NEDD4L: variants seen among roughly 807,000 people sequenced by gnomAD.
NEDD4L encodes E3 ubiquitin-protein ligase NEDD4-like.
Under a neutral mutation model 148.9 loss-of-function variants are expected in NEDD4L, and 54 were observed. The ratio of observed to expected loss-of-function variants is 0.36; its 90% CI spans 0.29 to 0.45. NEDD4L has a LOEUF of 0.45. Among genes scored for constraint, NEDD4L ranks in the 20% least tolerant of loss-of-function variants. The pLI is 1.00. For missense variants in NEDD4L, 856 were observed against 1,233.8 expected (o/e 0.69, Z 4.59); for synonymous variants, 433 against 440.7 (o/e 0.98, Z 0.22).
At chr18:58,367,666 G>A (rs1207217936) in intron 21 of NEDD4L, 80 bp from the exon 22 acceptor site, 4 of 1,503,094 alleles carry the variant, frequency 2.7e-6, no homozygotes, top group Admixed American at 1.7e-5. Context: ...TGTAAAAGTT[G>A]AGTGACAGGT....
chr18:58,207,634 G>A (rs879611342), intron 2 of NEDD4L, among the ~76,000 whole-genome samples: 1 of 152,160 alleles, frequency 6.6e-6, no homozygotes, highest in Non-Finnish European at 1.5e-5. Context: ...ACTTAGTAGC[G>A]GCAGTACCAT....
At chr18:58,230,631 C>G (rs999079913) in intron 2 of NEDD4L, among the ~76,000 whole-genome samples, 2 of 151,926 alleles carry the variant, frequency 1.3e-5, no homozygotes, top group African/African-American at 4.8e-5. Context: ...TGCCTGGTGA[C>G]CTCATTTGAA....
intron 24 of NEDD4L, among the ~76,000 whole-genome samples, chr18:58,374,968 G>A (rs770707540): frequency 4.6e-5 from 7 of 152,026 alleles, no homozygotes; most frequent in Non-Finnish European, 8.8e-5. Context: ...CAGGTCTAAC[G>A]GCCTCCTCAA....
chr18:58,305,007 G>T (rs764141010), intron 5 of NEDD4L, among the ~76,000 whole-genome samples: 1 of 152,152 alleles, frequency 6.6e-6, no homozygotes, highest in African/African-American at 2.4e-5. Flanking sequence ...TAATATCCCA[G>T]CCCTATCAGG....
chr18:58,271,747 A>G (rs2051073087), intron 5 of NEDD4L, among the ~76,000 whole-genome samples: 1 of 152,244 alleles, frequency 6.6e-6, no homozygotes, highest in Non-Finnish European at 1.5e-5. Context: ...TGAGTAGAAG[A>G]AAAGTCTAAA....
intron 1 of NEDD4L, among the ~76,000 whole-genome samples, chr18:58,103,902 AAAAC>A (rs936740308): frequency 1.3e-5 from 2 of 152,260 alleles, no homozygotes; most frequent in Non-Finnish European, 2.9e-5. Context: ...TGACCTTGGC[AAAAC>A]AAACAAATTT....
At chr18:58,275,649 A>T (rs2051801649) in intron 5 of NEDD4L, among the ~76,000 whole-genome samples, 1 of 152,188 alleles carries the variant, frequency 6.6e-6, no homozygotes, top group African/African-American at 2.4e-5. Flanking sequence ...GCCCCCTGCC[A>T]TGCCCTGACT....
chr18:58,225,966 G>A (rs186390371), intron 2 of NEDD4L, among the ~76,000 whole-genome samples: 1 of 152,264 alleles, frequency 6.6e-6, no homozygotes, highest in African/African-American at 2.4e-5. Flanking sequence ...GTGTCTACTT[G>A]CAGTTAATAT....
intron 18 of NEDD4L, 62 bp downstream of exon 18, chr18:58,351,107 C>T (rs1192629965): frequency 1.3e-6 from 2 of 1,548,456 alleles, no homozygotes; most frequent in East Asian, 4.8e-5. Flanking sequence ...GTAATTCAAA[C>T]ATCATAGTGA....
intron 24 of NEDD4L, among the ~76,000 whole-genome samples, chr18:58,377,531 T>C (rs1202084923): frequency 1.3e-5 from 2 of 152,228 alleles, no homozygotes; most frequent in East Asian, 1.9e-4. Flanking sequence ...GGGCTGCTGG[T>C]TTCTAGGGCC....
chr18:58,087,224 A>G (rs934458109), intron 1 of NEDD4L, among the ~76,000 whole-genome samples: 2 of 152,134 alleles, frequency 1.3e-5, no homozygotes, highest in Admixed American at 6.5e-5. Context: ...CCTTAGGTAC[A>G]TTTTCCATCT....
chr18:58,151,395 A>C (rs1362614893), intron 1 of NEDD4L, among the ~76,000 whole-genome samples: 1 of 151,956 alleles, frequency 6.6e-6, no homozygotes. Context: ...GCACATCATT[A>C]CTCTTATCTC....
chr18:58,275,933 G>C (rs79930747), intron 5 of NEDD4L, among the ~76,000 whole-genome samples: 2 of 152,176 alleles, frequency 1.3e-5, no homozygotes, highest in Non-Finnish European at 2.9e-5. Context: ...TTCCTAAGCG[G>C]CTCTGCAGGC....
At chr18:58,202,584 A>G (rs2041537726) in intron 2 of NEDD4L, among the ~76,000 whole-genome samples, 1 of 152,168 alleles carries the variant, frequency 6.6e-6, no homozygotes, top group Admixed American at 6.5e-5. Flanking sequence ...CCTTTTCAAC[A>G]CGTGGATTTG....
At chr18:58,385,470 CA>C in intron 25 of NEDD4L, 55 bp from the exon 26 acceptor site, 3 of 1,375,724 alleles carry the variant, frequency 2.2e-6, no homozygotes, top group Non-Finnish European at 3.1e-6. Context: ...GCGGAGAAAG[CA>C]GTGAGCACTA....
At chr18:58,167,635 A>C (rs969699367) in intron 2 of NEDD4L, among the ~76,000 whole-genome samples, 1 of 152,042 alleles carries the variant, frequency 6.6e-6, no homozygotes, top group Non-Finnish European at 1.5e-5. Context: ...ACTTGCCTCG[A>C]TTGCTAGATT....
intron 2 of NEDD4L, among the ~76,000 whole-genome samples, chr18:58,166,463 G>C (rs2036857008): frequency 6.6e-6 from 1 of 152,168 alleles, no homozygotes; most frequent in South Asian, 2.1e-4. Flanking sequence ...GAAGTTATTG[G>C]ACTGGGAGCA....
intron 19 of NEDD4L, 98 bp from the exon 20 acceptor site, chr18:58,364,170 G>A (rs1568855369): frequency 1.3e-6 from 1 of 746,598 alleles, no homozygotes. Flanking sequence ...AGAATTTACG[G>A]TTTATGACTC....
intron 2 of NEDD4L, among the ~76,000 whole-genome samples, chr18:58,211,495 G>A (rs1042125979): frequency 3.3e-5 from 5 of 152,312 alleles, no homozygotes; most frequent in South Asian, 2.1e-4. Flanking sequence ...TGAAGAATGT[G>A]AAATATAATC....
Sources: gnomAD v4.1 joint callset for allele counts (sites outside exome capture counted in the v4.1 genomes callset) on GRCh38, gnomAD v4.1.1 for gene constraint, MANE v1.5 for transcripts, NCBI Gene and HGNC (gene_info 2026-07-23, HGNC 2026-07-21) for gene names.